The following CNBD1 variants were observed in gnomAD, a reference collection of about 807,000 sequenced individuals.
CNBD1 encodes the protein cyclic nucleotide-binding domain-containing protein 1.
CNBD1 carries 71 observed loss-of-function variants against 54.4 expected under a neutral mutation model. The observed-to-expected ratio is 1.30, with a 90% CI of 1.08 to 1.59. CNBD1 has a LOEUF of 1.59. Ranked by LOEUF, CNBD1 falls within the 40% of genes most tolerant of loss-of-function variation. The probability of loss-of-function intolerance (pLI) is 0.00; values close to 1 mark genes in which losing one functional copy is unlikely to be tolerated. For missense variants in CNBD1, 659 were observed against 518.0 expected, an observed-to-expected ratio of 1.27 and a Z score of -2.64; for synonymous variants, 182 against 170.7, an observed-to-expected ratio of 1.07 and a Z score of -0.51.
intron 4 of CNBD1, among the ~76,000 whole-genome samples, chr8:87,041,671 T>C (rs549447438): frequency 4.7e-4 from 71 of 152,170 alleles, no homozygotes; most frequent in Non-Finnish European, 3.1e-4. Flanking sequence ...TGGTGGTGGG[T>C]GCCTGTAGTC....
intron 6 of CNBD1, among the ~76,000 whole-genome samples, chr8:87,242,275 C>T (rs990139494): frequency 3.9e-5 from 6 of 152,092 alleles, no homozygotes; most frequent in African/African-American, 7.2e-5. Flanking sequence ...TATAGAAAAT[C>T]GCCTTCCCTT....
downstream of CNBD1, among the ~76,000 whole-genome samples, chr8:87,384,450 A>T (rs1019409198): frequency 6.6e-6 from 1 of 152,168 alleles, no homozygotes. Flanking sequence ...CTGAAGAAAA[A>T]GCAGATCAGA....
intron 4 of CNBD1, among the ~76,000 whole-genome samples, chr8:86,947,844 A>C (rs1807504852): frequency 6.6e-6 from 1 of 152,102 alleles, no homozygotes; most frequent in Admixed American, 6.6e-5. Context: ...GCTATCAAAT[A>C]GTGGGTCTTA....
At chr8:87,421,436 C>A (rs1807935509) in intron 2 of CNBD1, among the ~76,000 whole-genome samples, 1 of 129,482 alleles carries the variant, frequency 7.7e-6, no homozygotes, top group African/African-American at 2.9e-5. Context: ...TCCCCCCACC[C>A]CACAACAGTC....
chr8:87,343,578 T>G (rs564549861), intron 8 of CNBD1, among the ~76,000 whole-genome samples: 1 of 152,348 alleles, frequency 6.6e-6, no homozygotes, highest in African/African-American at 2.4e-5. Context: ...ACATCTCCTG[T>G]TAACCTTTCC....
intron 4 of CNBD1, among the ~76,000 whole-genome samples, chr8:87,150,213 A>G (rs1009897743): frequency 6.6e-6 from 1 of 152,058 alleles, no homozygotes; most frequent in Non-Finnish European, 1.5e-5. Context: ...AATCAGGTAG[A>G]AAACAGCTTT....
chr8:87,426,458 A>G (rs1196525290), intron 2 of CNBD1, among the ~76,000 whole-genome samples: 1 of 152,246 alleles, frequency 6.6e-6, no homozygotes, highest in African/African-American at 2.4e-5. Context: ...TGATGTTCCT[A>G]CAGTTTCACA....
intron 2 of CNBD1, among the ~76,000 whole-genome samples, chr8:86,898,871 A>T (rs924428810): frequency 2.0e-5 from 3 of 152,194 alleles, no homozygotes; most frequent in Non-Finnish European, 4.4e-5. Flanking sequence ...CTGTTAGAAG[A>T]ATAAAAAGGC....
At chr8:87,188,257 C>T (rs1471664279) in intron 4 of CNBD1, among the ~76,000 whole-genome samples, 4 of 152,178 alleles carry the variant, frequency 2.6e-5, no homozygotes, top group African/African-American at 9.7e-5. Context: ...TTCCATGACA[C>T]ATAGTACTCT....
At chr8:87,377,590 G>T (rs1212432227) in intron 10 of CNBD1, among the ~76,000 whole-genome samples, 1 of 151,398 alleles carries the variant, frequency 6.6e-6, no homozygotes, top group Non-Finnish European at 1.5e-5. Context: ...CTTTGCTATC[G>T]TGAATAATGC....
chr8:87,002,021 G>A (rs1374026472), intron 4 of CNBD1, among the ~76,000 whole-genome samples: 3 of 152,184 alleles, frequency 2.0e-5, no homozygotes, highest in African/African-American at 7.2e-5. Context: ...GTCAGAGGTA[G>A]GAACCTCCTA....
intron 10 of CNBD1, among the ~76,000 whole-genome samples, chr8:87,378,793 A>G (rs1246072520): frequency 1.3e-5 from 2 of 151,108 alleles, no homozygotes; most frequent in East Asian, 3.9e-4. Context: ...TGAGCATGGA[A>G]TGTTCTTCCA....
intron 1 of CNBD1, among the ~76,000 whole-genome samples, chr8:86,870,484 A>T (rs895540808): frequency 6.6e-6 from 1 of 151,942 alleles, no homozygotes; most frequent in Non-Finnish European, 1.5e-5. Context: ...GATGTGAGCC[A>T]CCGCGCCTGG....
intron 8 of CNBD1, 80 bp downstream of exon 8, chr8:87,286,751 T>G (rs1808708498): frequency 1.1e-6 from 1 of 932,944 alleles, no homozygotes; most frequent in Non-Finnish European, 1.6e-6. Flanking sequence ...GTTGTAATAT[T>G]TTATACAATA....
intron 10 of CNBD1, among the ~76,000 whole-genome samples, chr8:87,373,420 A>G (rs79063679): frequency 0.035 from 5,269 of 151,950 alleles, 287 homozygotes; most frequent in African/African-American, 0.12. Context: ...CCCTTGCTGC[A>G]TCTCTCGCTT....
At chr8:87,075,628 G>A (rs549222990) in intron 4 of CNBD1, among the ~76,000 whole-genome samples, 1 of 152,164 alleles carries the variant, frequency 6.6e-6, no homozygotes, top group South Asian at 2.1e-4. Flanking sequence ...TCAATTTGAA[G>A]TTGAGCTTCT....
intron 4 of CNBD1, among the ~76,000 whole-genome samples, chr8:87,080,240 T>G (rs566739485): frequency 6.6e-6 from 1 of 152,336 alleles, no homozygotes; most frequent in South Asian, 2.1e-4. Context: ...TCCACCTTTG[T>G]TCTTTTTCAA....
rs868734889 is a variant in CNBD1 at position 87,370,668 on chromosome 8, T to G, written c.1304-11952T>G. 7.1e-3 allele frequency among the ~76,000 whole-genome samples: 1,076 copies of G among 151,564 alleles called. 11 individuals are homozygous for G. The highest frequency in any genetic ancestry group is 0.024 in the African/African-American group (1,009 of 41,248). On this transcript the variant is annotated intron_variant, in intron 10 of 10. Transcript: ENST00000518476. ...GTAGGTTGCAAAAATTTTCTCCCAT[T>G]TTGTAGGTTGCCTGTTCACTCTGAT...
chr8:87,225,165 G>C (rs1347703785), intron 5 of CNBD1, among the ~76,000 whole-genome samples: 2 of 149,574 alleles, frequency 1.3e-5, no homozygotes, highest in African/African-American at 5.0e-5. Flanking sequence ...GGGTTTTCTA[G>C]ATATACAATC....
Sources: gnomAD v4.1 joint callset for allele counts (sites outside exome capture counted in the v4.1 genomes callset) on GRCh38, gnomAD v4.1.1 for gene constraint, MANE v1.5 for transcripts, NCBI Gene and HGNC (gene_info 2026-07-23, HGNC 2026-07-21) for gene names.